The following ERC2 variants were observed in gnomAD, a reference collection of about 807,000 sequenced individuals.
The protein encoded by ERC2 is ELKS/RAB6-interacting/CAST family member 2.
In ERC2, 42 loss-of-function variants were observed where a neutral mutation model predicts 114.8. That is an observed-to-expected ratio of 0.37 (90% CI 0.29 to 0.47). ERC2 has a LOEUF of 0.47. Among genes scored for constraint, ERC2 ranks in the 20% least tolerant of loss-of-function variants. ERC2 has a pLI of 0.99. For synonymous variants in ERC2, 454 were observed against 425.5 expected, an observed-to-expected ratio of 1.07 and a Z score of -0.82; for missense variants, 939 against 1,150.7, an observed-to-expected ratio of 0.82 and a Z score of 2.66.
chr3:55,891,224 C>T (rs2063580862), intron 13 of ERC2, among the ~76,000 whole-genome samples: 1 of 152,080 alleles, frequency 6.6e-6, no homozygotes, highest in Admixed American at 6.5e-5. Context: ...CATTCAACTC[C>T]AGTGTTACCC....
rs1159317037 is a variant in ERC2, at chr3:55,652,951, C to A, written c.*39+30843G>T. On this transcript the variant is annotated intron_variant, in intron 17 of 17. Coordinates refer to ENST00000288221, the MANE Select transcript of ERC2 (RefSeq NM_015576.3). ...AGGCACAGACAGTTGAGCGCACTGA[C>A]TGTGTACTGAAAAGTATCAGAATTG... Among the ~76,000 whole-genome samples the A allele has an allele frequency of 3.3e-5, 5 of 151,010 alleles. No homozygotes were observed. The South Asian group carries it at 1.1e-3, about 32-fold the overall frequency.
At position 55,752,730 on chromosome 3, in the gene ERC2, T is replaced by C. The variant is rs117384945; in HGVS notation, c.2565-17812A>G. On this transcript the variant is annotated intron_variant, in intron 14 of 17. Transcript: ENST00000288221. ...AGGAGTGAATTAACTTACTCAAGTT[T>C]ACATGGCTAGTAGATGGCAAAGTAG... 1.1e-3 allele frequency among the ~76,000 whole-genome samples: 160 copies of C among 152,016 alleles called. 2 individuals are homozygous for C. In the East Asian group the frequency reaches 0.029, roughly 27 times the overall value.
chr3:56,022,396 A>C (rs867602381), intron 7 of ERC2, among the ~76,000 whole-genome samples: 1 of 152,346 alleles, frequency 6.6e-6, no homozygotes, highest in Middle Eastern at 3.4e-3. Context: ...AACCAACTAC[A>C]AAATATCAGA....
chr3:56,346,419 C>T (rs1189012560), intron 2 of ERC2, among the ~76,000 whole-genome samples: 1 of 152,000 alleles, frequency 6.6e-6, no homozygotes, highest in Non-Finnish European at 1.5e-5. Flanking sequence ...AACATAAGAC[C>T]TTGTATTAGT....
At chr3:55,923,785 G>A (rs1334926860) in intron 13 of ERC2, among the ~76,000 whole-genome samples, 4 of 152,008 alleles carry the variant, frequency 2.6e-5, no homozygotes, top group African/African-American at 9.7e-5. Context: ...TAAGACAAAT[G>A]GATCTCATTT....
chr3:55,640,330 A>T (rs1478446863), intron 17 of ERC2, among the ~76,000 whole-genome samples: 1 of 152,164 alleles, frequency 6.6e-6, no homozygotes, highest in East Asian at 1.9e-4. Flanking sequence ...CCTGTTCTTG[A>T]CATATATTAT....
At chr3:55,596,601 A>G (rs1011447862) in intron 17 of ERC2, among the ~76,000 whole-genome samples, 1 of 152,188 alleles carries the variant, frequency 6.6e-6, no homozygotes, top group Non-Finnish European at 1.5e-5. Context: ...AAGTCAGTAA[A>G]AAAATTAAAT....
At chr3:56,121,355 T>C (rs1167157886) in intron 6 of ERC2, among the ~76,000 whole-genome samples, 1 of 152,206 alleles carries the variant, frequency 6.6e-6, no homozygotes, top group Non-Finnish European at 1.5e-5. Flanking sequence ...GCAAAATGTA[T>C]AATTGTAATA....
At chr3:56,407,128 C>A (rs1314248637) in intron 2 of ERC2, among the ~76,000 whole-genome samples, 1 of 152,126 alleles carries the variant, frequency 6.6e-6, no homozygotes, top group Non-Finnish European at 1.5e-5. Context: ...CCAGAGGAAC[C>A]CAAACCGCTA....
At chr3:55,749,808 A>T (rs2066558843) in intron 14 of ERC2, among the ~76,000 whole-genome samples, 1 of 151,902 alleles carries the variant, frequency 6.6e-6, no homozygotes, top group Admixed American at 6.6e-5. Context: ...TTCACAATAA[A>T]CCTTGCTACT....
chr3:56,441,336 C>T (rs1052069918), intron 1 of ERC2, among the ~76,000 whole-genome samples: 16 of 152,270 alleles, frequency 1.1e-4, no homozygotes, highest in African/African-American at 3.8e-4. Flanking sequence ...GCATGAATAA[C>T]AGCCATCACT....
intron 2 of ERC2, among the ~76,000 whole-genome samples, chr3:56,306,175 T>C (rs1434678005): frequency 6.6e-6 from 1 of 152,060 alleles, no homozygotes; most frequent in Non-Finnish European, 1.5e-5. Context: ...GCTACTTTTG[T>C]AGTACAATTG....
intron 14 of ERC2, among the ~76,000 whole-genome samples, chr3:55,813,140 G>T (rs568992868): frequency 9.9e-5 from 15 of 152,276 alleles, no homozygotes; most frequent in Admixed American, 4.6e-4. Context: ...GTTAGGAGTT[G>T]TACCAAGGCA....
chr3:55,935,309 G>A (rs1017264727), intron 13 of ERC2, among the ~76,000 whole-genome samples: 6 of 152,200 alleles, frequency 3.9e-5, no homozygotes, highest in African/African-American at 1.4e-4. Flanking sequence ...GTTCCACGGG[G>A]TGATAGCTGA....
chr3:56,466,088 C>T (rs1428323185), intron 1 of ERC2, among the ~76,000 whole-genome samples: 1 of 152,238 alleles, frequency 6.6e-6, no homozygotes, highest in Admixed American at 6.5e-5. Context: ...TAGTACCTAC[C>T]TCACAGGGGC....
At chr3:55,847,939 C>T (rs1160185368) in intron 14 of ERC2, among the ~76,000 whole-genome samples, 1 of 152,072 alleles carries the variant, frequency 6.6e-6, no homozygotes, top group African/African-American at 2.4e-5. Context: ...GCTGTAACCA[C>T]AGATGTGCCA....
At chr3:55,742,276 C>G (rs2066013378) in intron 14 of ERC2, among the ~76,000 whole-genome samples, 1 of 152,060 alleles carries the variant, frequency 6.6e-6, no homozygotes, top group Non-Finnish European at 1.5e-5. Flanking sequence ...TAAAAGGGAG[C>G]TTTGTAAACA....
At chr3:55,635,011 A>G (rs2059901960) in intron 17 of ERC2, among the ~76,000 whole-genome samples, 2 of 151,740 alleles carry the variant, frequency 1.3e-5, no homozygotes, top group Non-Finnish European at 2.9e-5. Flanking sequence ...CCTCTTGAGT[A>G]GCTGGGACTA....
intron 17 of ERC2, among the ~76,000 whole-genome samples, chr3:55,537,330 C>A (rs2054063683): frequency 1.3e-5 from 2 of 152,192 alleles, no homozygotes; most frequent in South Asian, 4.1e-4. Flanking sequence ...ATGGTTTCCC[C>A]CCCTGAAGTG....
Sources: gnomAD v4.1 joint callset for allele counts (sites outside exome capture counted in the v4.1 genomes callset) on GRCh38, gnomAD v4.1.1 for gene constraint, MANE v1.5 for transcripts, NCBI Gene and HGNC (gene_info 2026-07-23, HGNC 2026-07-21) for gene names.